The following BBS9 variants were observed in gnomAD, a reference collection of about 807,000 sequenced individuals.
BBS9 encodes the protein Bardet-Biedl syndrome 9, also known as protein PTHB1.
BBS9 carries 89 observed loss-of-function variants against 117.7 expected under a neutral mutation model. The observed-to-expected ratio is 0.76, with a 90% CI of 0.64 to 0.90. The LOEUF is 0.90. Ranked by LOEUF, BBS9 falls within the 40% of genes least tolerant of loss-of-function variation. The pLI, the probability that BBS9 is intolerant of heterozygous loss-of-function variation, is 0.00. For synonymous variants in BBS9, 379 were observed against 370.9 expected (o/e 1.02, Z -0.25); for missense variants, 982 against 1,042.2 (o/e 0.94, Z 0.80).
chr7:33,492,815 T>A (rs761643321), intron 19 of BBS9, among the ~76,000 whole-genome samples: 54 of 53,518 alleles, frequency 1.0e-3, no homozygotes, highest in South Asian at 2.8e-3. Context: ...GGAGTGAGTG[T>A]GTGTGTGTGT....
intron 21 of BBS9, among the ~76,000 whole-genome samples, chr7:33,574,235 T>C (rs1224739059): frequency 6.6e-6 from 1 of 152,144 alleles, no homozygotes. Flanking sequence ...AAATAACTTA[T>C]TTTGATTTTA....
intron 17 of BBS9, among the ~76,000 whole-genome samples, chr7:33,375,596 T>TTTCTTTC (rs1491271545): frequency 2.1e-5 from 2 of 95,788 alleles, no homozygotes; most frequent in African/African-American, 7.2e-5. Context: ...TCTTTCTTTC[T>TTTCTTTC]TTTTTTTTTT....
chr7:33,540,599 TAGAA>T (rs1282792459), intron 21 of BBS9, among the ~76,000 whole-genome samples: 2 of 152,202 alleles, frequency 1.3e-5, no homozygotes, highest in Non-Finnish European at 2.9e-5. Flanking sequence ...GGCCCCGTGA[TAGAA>T]AGAACCAACA....
At chr7:33,173,651 G>T (rs1300287840) in intron 4 of BBS9, among the ~76,000 whole-genome samples, 4 of 151,952 alleles carry the variant, frequency 2.6e-5, no homozygotes, top group African/African-American at 9.7e-5. Flanking sequence ...TATTTGGGGA[G>T]CCATCATTTT....
At chr7:33,238,593 C>T (rs903007489) in intron 5 of BBS9, among the ~76,000 whole-genome samples, 2 of 151,918 alleles carry the variant, frequency 1.3e-5, no homozygotes, top group African/African-American at 2.4e-5. Flanking sequence ...CATGACCGAC[C>T]CTTGTTTTTA....
chr7:33,528,906 C>A (rs909327530), intron 20 of BBS9, among the ~76,000 whole-genome samples: 1 of 152,250 alleles, frequency 6.6e-6, no homozygotes, highest in Non-Finnish European at 1.5e-5. Flanking sequence ...ATTAACTTTA[C>A]AAGTGTGGTC....
chr7:33,586,835 G>A (rs1051883963), intron 21 of BBS9, among the ~76,000 whole-genome samples: 40 of 152,074 alleles, frequency 2.6e-4, no homozygotes, highest in Admixed American at 2.2e-3. Context: ...CTTATGAGTG[G>A]AAGCTGAACA....
intron 9 of BBS9, among the ~76,000 whole-genome samples, chr7:33,295,192 A>G (rs1805004600): frequency 6.6e-6 from 1 of 152,150 alleles, no homozygotes; most frequent in Non-Finnish European, 1.5e-5. Context: ...AGAGATACTA[A>G]TTGCCATTGA....
intron 19 of BBS9, among the ~76,000 whole-genome samples, chr7:33,503,005 G>A (rs1222150259): frequency 6.6e-6 from 1 of 151,842 alleles, no homozygotes; most frequent in Non-Finnish European, 1.5e-5. Flanking sequence ...CTTTTTAGTA[G>A]CTTTCTAAGT....
At chr7:33,634,011 G>A (rs1450574176) in intron 21 of BBS9, among the ~76,000 whole-genome samples, 2 of 152,270 alleles carry the variant, frequency 1.3e-5, no homozygotes, top group Non-Finnish European at 2.9e-5. Context: ...TTGGGAATCC[G>A]TAGCTGACTC....
chr7:33,359,365 GTAAAGTCCA>G (rs998273482), intron 16 of BBS9, among the ~76,000 whole-genome samples: 7 of 151,942 alleles, frequency 4.6e-5, no homozygotes, highest in Admixed American at 4.6e-4. Context: ...GAGCAGAAAG[GTAAAGTCCA>G]TAAGATACGA....
chr7:33,434,911 G>A (rs1402710347), intron 19 of BBS9, among the ~76,000 whole-genome samples: 2 of 152,050 alleles, frequency 1.3e-5, no homozygotes, highest in East Asian at 3.8e-4. Flanking sequence ...AAAGTGCTAA[G>A]TTCAAAGAAA....
chr7:33,412,797 G>A (rs1044929383), intron 19 of BBS9, among the ~76,000 whole-genome samples: 2 of 152,172 alleles, frequency 1.3e-5, no homozygotes, highest in African/African-American at 4.8e-5. Flanking sequence ...TAGGTATACA[G>A]TTCTTTTTAA....
At chr7:33,294,499 C>T (rs1804862561) in intron 9 of BBS9, among the ~76,000 whole-genome samples, 1 of 152,114 alleles carries the variant, frequency 6.6e-6, no homozygotes, top group African/African-American at 2.4e-5. Flanking sequence ...CTGGAGGCTC[C>T]AGTTAATTTA....
chr7:33,503,840 G>A (rs1331661478), intron 19 of BBS9, among the ~76,000 whole-genome samples: 1 of 152,130 alleles, frequency 6.6e-6, no homozygotes, highest in Non-Finnish European at 1.5e-5. Context: ...TTTGGTTTAA[G>A]GAAAGTGGGC....
At chr7:33,193,755 G>A (rs138658353) in intron 5 of BBS9, among the ~76,000 whole-genome samples, 3 of 152,138 alleles carry the variant, frequency 2.0e-5, no homozygotes, top group South Asian at 4.1e-4. Flanking sequence ...ATTTTGCTAA[G>A]CATCTTGAAT....
chr7:33,408,818 A>G (rs149116982), intron 19 of BBS9, among the ~76,000 whole-genome samples: 2 of 152,112 alleles, frequency 1.3e-5, no homozygotes, highest in Admixed American at 1.3e-4. Flanking sequence ...ACTAATTTAC[A>G]TTTCCCCAGT....
intron 21 of BBS9, among the ~76,000 whole-genome samples, chr7:33,565,894 C>T (rs1856863449): frequency 7.2e-6 from 1 of 138,062 alleles, no homozygotes. Flanking sequence ...TAGGATACCT[C>T]TTAGACTGCA....
intron 2 of BBS9, among the ~76,000 whole-genome samples, chr7:33,152,291 A>G (rs1013280911): frequency 1.2e-4 from 18 of 152,116 alleles, no homozygotes; most frequent in Non-Finnish European, 2.2e-4. Flanking sequence ...CACTCTATCT[A>G]GTGACGACTC....
Sources: allele counts gnomAD v4.1 joint callset (sites outside exome capture counted in the v4.1 genomes callset), GRCh38; gene constraint gnomAD v4.1.1; transcripts MANE v1.5; gene names NCBI Gene and HGNC (gene_info 2026-07-23, HGNC 2026-07-21).